CDKAL1: variants seen among roughly 807,000 people sequenced by gnomAD.
CDKAL1 encodes CDKAL1 threonylcarbamoyladenosine tRNA methylthiotransferase, also known as threonylcarbamoyladenosine tRNA methylthiotransferase.
CDKAL1 carries 32 observed loss-of-function variants against 68.2 expected under a neutral mutation model. That is an observed-to-expected ratio of 0.47 (90% CI 0.35 to 0.63). The LOEUF (loss-of-function observed/expected upper bound fraction) is 0.63. Ranked by LOEUF, CDKAL1 falls within the 30% of genes least tolerant of loss-of-function variation. The pLI, the probability that CDKAL1 is intolerant of heterozygous loss-of-function variation, is 0.00. For synonymous variants in CDKAL1, 234 were observed against 244.3 expected (o/e 0.96, Z 0.39); for missense variants, 606 against 696.7 (o/e 0.87, Z 1.47).
chr6:20,742,790 A>G (rs572960287), intron 6 of CDKAL1, among the ~76,000 whole-genome samples: 5 of 152,214 alleles, frequency 3.3e-5, no homozygotes, highest in Middle Eastern at 3.4e-3. Flanking sequence ...CCAGCATTAC[A>G]TATTATTAAA....
At chr6:20,644,595 G>A (rs1487882739) in intron 4 of CDKAL1, among the ~76,000 whole-genome samples, 1 of 152,160 alleles carries the variant, frequency 6.6e-6, no homozygotes, top group Admixed American at 6.5e-5. Context: ...CAGGAGAATG[G>A]CGTGAACCCG....
At chr6:21,008,660 T>G (rs1442312450) in intron 11 of CDKAL1, among the ~76,000 whole-genome samples, 2 of 152,212 alleles carry the variant, frequency 1.3e-5, no homozygotes, top group East Asian at 3.8e-4. Context: ...TCATGGTCCT[T>G]TTTTGACTGC....
intron 4 of CDKAL1, among the ~76,000 whole-genome samples, chr6:20,597,842 A>G (rs774041416): frequency 6.6e-6 from 1 of 152,202 alleles, no homozygotes; most frequent in Non-Finnish European, 1.5e-5. Flanking sequence ...CTAAATTGAT[A>G]TCTAGAGAGT....
chr6:20,729,632 A>G (rs1291653946), intron 5 of CDKAL1, among the ~76,000 whole-genome samples: 1 of 152,114 alleles, frequency 6.6e-6, no homozygotes, highest in African/African-American at 2.4e-5. Flanking sequence ...CCTCACGACA[A>G]CCTCATGAGG....
chr6:20,738,630 C>G (rs896475414), intron 5 of CDKAL1, among the ~76,000 whole-genome samples: 18 of 151,856 alleles, frequency 1.2e-4, no homozygotes, highest in Non-Finnish European at 1.9e-4. Flanking sequence ...TCCAGAGTAG[C>G]TAGGACTACA....
intron 13 of CDKAL1, among the ~76,000 whole-genome samples, chr6:21,164,155 C>T (rs914272882): frequency 4.6e-5 from 7 of 151,860 alleles, no homozygotes; most frequent in African/African-American, 1.7e-4. Flanking sequence ...GTACAACTTA[C>T]AGCTTAAATT....
intron 5 of CDKAL1, among the ~76,000 whole-genome samples, chr6:20,712,951 A>C (rs987233090): frequency 6.7e-6 from 1 of 149,022 alleles, no homozygotes; most frequent in Admixed American, 6.7e-5. Flanking sequence ...ATATAACTTT[A>C]AAAATGCTGT....
rs1772293887 is a variant in CDKAL1, at chr6:20,720,444, G to A, written c.372-19075G>A. Among the ~76,000 whole-genome samples, 3 of 152,098 alleles carry A rather than the reference G, an allele frequency of 2.0e-5. No homozygotes were observed. In the South Asian group the frequency reaches 6.2e-4, roughly 32 times the overall value. On this transcript the variant is annotated intron_variant, in intron 5 of 15. Transcript: ENST00000274695. ...CAAATATTGAATTTATTCCTTCTGT[G>A]TTCTTACCCTTTAAGCCACCTTTCT...
chr6:21,053,726 T>G (rs2150915491), intron 11 of CDKAL1, among the ~76,000 whole-genome samples: 2 of 152,290 alleles, frequency 1.3e-5, no homozygotes, highest in Middle Eastern at 6.8e-3. Flanking sequence ...GTGACAATGT[T>G]AAGCAAATTT....
chr6:20,694,042 T>TTG (rs1231271309), intron 5 of CDKAL1, among the ~76,000 whole-genome samples: 1,684 of 114,290 alleles, frequency 0.015, 32 homozygotes, highest in African/African-American at 0.049. Flanking sequence ...CCGGCTAACT[T>TTG]TGTGTGTGTG....
At chr6:20,861,365 T>C (rs1759619000) in intron 9 of CDKAL1, among the ~76,000 whole-genome samples, 1 of 152,256 alleles carries the variant, frequency 6.6e-6, no homozygotes, top group Non-Finnish European at 1.5e-5. Flanking sequence ...CTTGGAGTGC[T>C]GGATTTGACT....
chr6:21,173,098 G>C (rs1421111565), intron 13 of CDKAL1, among the ~76,000 whole-genome samples: 1 of 145,230 alleles, frequency 6.9e-6, no homozygotes, highest in Non-Finnish European at 1.5e-5. Context: ...GTTTTTGTGA[G>C]GTTTTTCCTC....
intron 8 of CDKAL1, among the ~76,000 whole-genome samples, chr6:20,815,819 A>G (rs1777019857): frequency 6.6e-6 from 1 of 152,210 alleles, no homozygotes; most frequent in Non-Finnish European, 1.5e-5. Flanking sequence ...TAATTTTAAC[A>G]CAACTGAGAT....
At chr6:21,013,472 C>T (rs915529591) in intron 11 of CDKAL1, among the ~76,000 whole-genome samples, 2 of 152,096 alleles carry the variant, frequency 1.3e-5, no homozygotes, top group African/African-American at 4.8e-5. Flanking sequence ...GCAGAGTAAA[C>T]GAGGTATCTG....
At chr6:21,223,096 A>G (rs1779596699) in intron 15 of CDKAL1, among the ~76,000 whole-genome samples, 1 of 152,164 alleles carries the variant, frequency 6.6e-6, no homozygotes, top group Non-Finnish European at 1.5e-5. Flanking sequence ...GGGAAACTCA[A>G]AATAACACCA....
chr6:20,643,270 C>T (rs1332416701), intron 4 of CDKAL1, among the ~76,000 whole-genome samples: 1 of 152,178 alleles, frequency 6.6e-6, no homozygotes, highest in East Asian at 1.9e-4. Flanking sequence ...TTTTAAGGCA[C>T]TGGAGGACCT....
At chr6:20,890,604 C>T (rs1202235784) in intron 9 of CDKAL1, among the ~76,000 whole-genome samples, 1 of 152,150 alleles carries the variant, frequency 6.6e-6, no homozygotes, top group South Asian at 2.1e-4. Flanking sequence ...CAGGTTTTCT[C>T]TCTTGAGCTC....
At chr6:21,085,926 T>G (rs1772668636) in intron 12 of CDKAL1, among the ~76,000 whole-genome samples, 1 of 152,158 alleles carries the variant, frequency 6.6e-6, no homozygotes. Flanking sequence ...GAAACAGTGT[T>G]GTTATGAAGT....
chr6:20,729,824 A>C (rs570249101), intron 5 of CDKAL1, among the ~76,000 whole-genome samples: 2 of 152,190 alleles, frequency 1.3e-5, no homozygotes, highest in African/African-American at 4.8e-5. Context: ...TTTTGTGCCT[A>C]TGCCGTGATT....
Sources: allele counts gnomAD v4.1 joint callset (sites outside exome capture counted in the v4.1 genomes callset), GRCh38; gene constraint gnomAD v4.1.1; transcripts MANE v1.5; gene names NCBI Gene and HGNC (gene_info 2026-07-23, HGNC 2026-07-21).